ZBTB34: variants seen among roughly 807,000 people sequenced by gnomAD.
ZBTB34 encodes zinc finger and BTB domain-containing protein 34.
In ZBTB34, 1 loss-of-function variant was observed where a neutral mutation model predicts 33.4. The observed-to-expected ratio is 0.03, with a 90% CI of 0.01 to 0.14. ZBTB34 has a LOEUF of 0.14. ZBTB34 is among the 10% of genes least tolerant of loss of function. The probability of loss-of-function intolerance (pLI) is 1.00; values close to 1 mark genes in which losing one functional copy is unlikely to be tolerated. For missense variants in ZBTB34, 406 were observed against 657.2 expected, an observed-to-expected ratio of 0.62 and a Z score of 4.18; for synonymous variants, 283 against 253.5, an observed-to-expected ratio of 1.12 and a Z score of -1.11.
intron 1 of ZBTB34, among the ~76,000 whole-genome samples, chr9:126,865,266 G>A (rs1285111276): frequency 6.6e-6 from 1 of 152,204 alleles, no homozygotes; most frequent in Non-Finnish European, 1.5e-5. Context: ...TGTAGTGGCA[G>A]TCCATGGATC....
At chr9:126,866,672 G>A (rs546040317) in intron 1 of ZBTB34, among the ~76,000 whole-genome samples, 9 of 151,772 alleles carry the variant, frequency 5.9e-5, no homozygotes, top group Non-Finnish European at 1.2e-4. Flanking sequence ...CTTTATAACT[G>A]TCTGCTTGAT....
At position 126,867,211 on chromosome 9, in the gene ZBTB34, A is replaced by G. The variant is rs2033216090; in HGVS notation, c.-11+6472A>G. On this transcript the variant is annotated intron_variant, in intron 1 of 1. Transcript: ENST00000319119. ...TCTCTTACACTTTTGTAGGTCCTATATATTAGTAGGCTTAATTCCTCCCCG... is the reference window on the plus strand; with the variant it reads ...TCTCTTACACTTTTGTAGGTCCTATGTATTAGTAGGCTTAATTCCTCCCCG... Among the ~76,000 whole-genome samples, 3 of 147,088 alleles carry G rather than the reference A, an allele frequency of 2.0e-5. No homozygotes were observed. In the South Asian group the frequency reaches 6.4e-4, roughly 31 times the overall value.
chr9:126,863,769 C>T, intron 1 of ZBTB34: 1 of 942,644 alleles, frequency 1.1e-6, no homozygotes, highest in Non-Finnish European at 1.3e-6. Context: ...TTTTCCAGGG[C>T]CAGTGCCCCT....
chr9:126,880,335 C>A lies in ZBTB34; in HGVS notation c.936C>A (p.Ser312=). 6.2e-7 allele frequency: 1 copy of A among 1,613,960 alleles called. No individual in the cohort carries two copies. The highest frequency in any genetic ancestry group is 8.5e-7 in the Non-Finnish European group (1 of 1,179,896). The change falls in exon 2 of 2, where the codon TCC becomes TCA. Residue 312 remains serine (S), a synonymous_variant. Transcript: ENST00000319119. The surrounding 1 kb of genome is among the most constrained non-coding windows in gnomAD (Gnocchi z 6.7). ...GAAGTTTGAGTAATTCCAGCCCATC[C>A]AGGTCCATGCTGAGCTGTTTCCGAG...
At chr9:126,883,327 G>A (rs369700770) in exon 2 of ZBTB34, 6 of 167,092 alleles carry the variant, frequency 3.6e-5, no homozygotes, top group Non-Finnish European at 8.8e-5. Flanking sequence ...CAGGCTTGGG[G>A]CCTCCAGCGA....
At position 126,874,105 on chromosome 9, in the gene ZBTB34, G is replaced by A. The variant is rs147224796; in HGVS notation, c.-10-5285G>A. ...CTCCTAGGCTGGAGTGCAGTGGTGC[G>A]ATCTTGGCTCACTGCAAGCTCCGTC... is the stretch of plus-strand genomic sequence containing the variant. On this transcript the variant is annotated intron_variant, in intron 1 of 1. Coordinates refer to ENST00000319119, the Ensembl canonical transcript of ZBTB34. Among the ~76,000 whole-genome samples, 886 of 138,066 alleles carry A rather than the reference G, an allele frequency of 6.4e-3. 35 individuals are homozygous for A. The East Asian group carries it at 0.11, about 17-fold the overall frequency. The allele number at this position is 138,066 out of a possible 152,430, so 90.6% of individuals were successfully genotyped here.
At chr9:126,868,805 G>A (rs745744889) in intron 1 of ZBTB34, among the ~76,000 whole-genome samples, 8 of 152,284 alleles carry the variant, frequency 5.3e-5, no homozygotes, top group East Asian at 3.9e-4. Flanking sequence ...CAAAAGGACC[G>A]GTTTACTTGA....
At position 126,879,319 on chromosome 9, in the gene ZBTB34, A is replaced by G; in HGVS notation, c.-10-71A>G. On this transcript the variant is annotated intron_variant, in intron 1 of 1. Coordinates refer to ENST00000319119, the Ensembl canonical transcript of ZBTB34. The surrounding 1 kb of genome is among the most constrained non-coding windows in gnomAD (Gnocchi z 6.4). ...TAGCCACAATGGTATTGTTGTTGTA[A>G]GCTTGTGTTTATGCCACTTGTACTT... The G allele has an allele frequency of 3.2e-6, 4 of 1,254,756 alleles. No individual in the cohort carries two copies. Among genetic ancestry groups the G allele is most frequent in the Non-Finnish European group, 4.5e-6 (4 of 894,908 alleles). The allele number at this position is 1,254,756 out of a possible 1,614,324, so 77.7% of individuals were successfully genotyped here. A position where few individuals can be genotyped will look rare whatever the true frequency, so the allele number is the denominator to read the frequency against.
intron 1 of ZBTB34, among the ~76,000 whole-genome samples, chr9:126,871,129 A>G (rs929109630): frequency 2.0e-5 from 3 of 151,938 alleles, no homozygotes; most frequent in Non-Finnish European, 2.9e-5. Flanking sequence ...ATTCTGCTAG[A>G]AGTTGAGGCT....
At position 126,883,690 on chromosome 9, in the gene ZBTB34, C is replaced by T. The variant is rs573311496; in HGVS notation, c.*2776C>T. ...CTAACACTTTACCCTTTCCACTGCT[C>T]GCAGTGTTAAGAATGAATTCTCAAG... On this transcript the variant is annotated 3_prime_UTR_variant, in exon 2 of 2. Transcript: ENST00000319119. 1.8e-5 allele frequency: 3 copies of T among 167,134 alleles called. No homozygotes were observed. In the East Asian group the frequency reaches 5.8e-4, roughly 32 times the overall value. The allele number at this position is 167,134 out of a possible 1,614,324, so 10.4% of individuals were successfully genotyped here. A position where few individuals can be genotyped will look rare whatever the true frequency, so the allele number is the denominator to read the frequency against.
intron 1 of ZBTB34, among the ~76,000 whole-genome samples, chr9:126,876,497 G>A (rs1203628017): frequency 6.6e-6 from 1 of 151,794 alleles, no homozygotes; most frequent in Non-Finnish European, 1.5e-5. Context: ...TGAAGATGTA[G>A]ACATCCTTAC....
intron 1 of ZBTB34, among the ~76,000 whole-genome samples, chr9:126,873,852 C>T (rs903374895): frequency 2.0e-5 from 3 of 150,520 alleles, no homozygotes; most frequent in Middle Eastern, 3.6e-3. Context: ...TGATTTCACC[C>T]GCCTCAGCCT....
Position 126,880,139 on chromosome 9 carries a change from G to A in ZBTB34, c.740G>A (p.Arg247Gln), listed in dbSNP as rs1279689180. 13 of 1,613,574 alleles carry A rather than the reference G, an allele frequency of 8.1e-6. No individual in the cohort carries two copies. Among genetic ancestry groups the A allele is most frequent in the East Asian group, 2.2e-5 (1 of 44,882 alleles). The change falls in exon 2 of 2, where the codon CGG becomes CAG. Residue 247 changes from arginine (R) to glutamine (Q), a missense_variant. Physicochemically the swap from Arg to Gln is conservative, Grantham distance 43. Transcript: ENST00000319119. The surrounding 1 kb of genome is among the most constrained non-coding windows in gnomAD (Gnocchi z 6.7). ...AAAGTGAAGATGGAGAAGTCCGACC[G>A]GCCCAGCTGTTCCGACAGCTCCTCC...
Position 126,880,418 on chromosome 9 carries a change from G to A in ZBTB34, c.1019G>A (p.Gly340Asp). 1 of 1,613,514 alleles carries A rather than the reference G, an allele frequency of 6.2e-7. No homozygotes were observed. The highest frequency in any genetic ancestry group is 8.5e-7 in the Non-Finnish European group (1 of 1,179,820). The change falls in exon 2 of 2, where the codon GGC becomes GAC. Residue 340 changes from glycine to aspartate, a missense_variant. Transcript: ENST00000319119. This position sits in a 1 kb window ranked among gnomAD's most constrained non-coding sequence, Gnocchi z 6.7. The stretch of plus-strand genomic sequence containing the variant: ...GTCCACCTGCACAGTGACCTGCAGG[G>A]CCTGGTGCAGGGCTCTGACAGTGAA...
At chr9:126,865,724 C>G (rs1408577853) in intron 1 of ZBTB34, among the ~76,000 whole-genome samples, 1 of 152,214 alleles carries the variant, frequency 6.6e-6, no homozygotes, top group African/African-American at 2.4e-5. Flanking sequence ...GTAGCTCATT[C>G]CTGTAATCCC....
intron 1 of ZBTB34, among the ~76,000 whole-genome samples, chr9:126,867,093 A>C (rs1221868411): frequency 6.8e-6 from 1 of 146,238 alleles, no homozygotes; most frequent in Non-Finnish European, 1.5e-5. Flanking sequence ...ATTGTTGATT[A>C]TATTTTTTGA....
intron 1 of ZBTB34, among the ~76,000 whole-genome samples, chr9:126,878,955 C>T (rs1480946250): frequency 6.6e-6 from 1 of 152,072 alleles, no homozygotes; most frequent in African/African-American, 2.4e-5. Context: ...AACTCCTGAC[C>T]TCAAGTGATC....
rs537849304 is a variant in ZBTB34, at chr9:126,861,935, T to C, written c.-11+1196T>C. ...AAAAAATAGTTGAGTGCTTGCTTGC[T>C]TATTAAATGGCAAGATGCTGTTCCA... On this transcript the variant is annotated intron_variant, in intron 1 of 1. Transcript: ENST00000319119. Among the ~76,000 whole-genome samples the C allele has an allele frequency of 7.1e-4, 108 of 152,302 alleles. 1 individual carries two copies. The highest frequency in any genetic ancestry group is 1.4e-3 in the Non-Finnish European group (92 of 68,026).
intron 1 of ZBTB34, among the ~76,000 whole-genome samples, chr9:126,870,386 T>C (rs1252727022): frequency 6.6e-6 from 1 of 152,232 alleles, no homozygotes; most frequent in Non-Finnish European, 1.5e-5. Context: ...GAGATTGATA[T>C]TGAGTGAATA....
Sources: allele counts gnomAD v4.1 joint callset (sites outside exome capture counted in the v4.1 genomes callset), GRCh38; gene constraint gnomAD v4.1.1; non-coding constraint Gnocchi (gnomAD v3.1); transcripts MANE v1.5; gene names NCBI Gene and HGNC (gene_info 2026-07-23, HGNC 2026-07-21).